NEK4: variants seen among roughly 807,000 people sequenced by gnomAD.
NEK4 encodes NIMA related kinase 4.
A neutral mutation model predicts 98.4 loss-of-function variants in NEK4; 86 were observed. The ratio of observed to expected loss-of-function variants is 0.87; its 90% CI spans 0.73 to 1.05. NEK4 has a LOEUF of 1.05. Among genes scored for constraint, NEK4 ranks in the 50% least tolerant of loss-of-function variants. The probability of loss-of-function intolerance (pLI) is 0.00; values close to 1 mark genes in which losing one functional copy is unlikely to be tolerated. For synonymous variants in NEK4, 328 were observed against 342.2 expected (o/e 0.96, Z 0.46); for missense variants, 898 against 950.3 (o/e 0.94, Z 0.72).
rs540463506 is a variant in NEK4, at chr3:52,757,602, A to AAGTGTAC, written c.963+3186_963+3192dup. On this transcript the variant is annotated intron_variant, in intron 6 of 15. Transcript: ENST00000233027. ...AAAGAAATCAGGGTCTCAAAGAGAT[A>AAGTGTAC]AGTGTACATTCATGTTCATAGCAGC... 2.6e-5 allele frequency among the ~76,000 whole-genome samples: 4 copies of AAGTGTAC among 152,266 alleles called. No homozygotes were observed. In the South Asian group the frequency reaches 8.3e-4, roughly 32 times the overall value.
chr3:52,732,897 G>C (rs1188742027), intron 15 of NEK4: 1 of 230,880 alleles, frequency 4.3e-6, no homozygotes, highest in Non-Finnish European at 9.7e-6. Context: ...AATCAACTTG[G>C]ATTAACCTTC....
chr3:52,746,706 C>A (rs1407207024), intron 9 of NEK4, 28 bp downstream of exon 9: 1 of 1,566,548 alleles, frequency 6.4e-7, no homozygotes, highest in Non-Finnish European at 8.6e-7. Flanking sequence ...CCAAAGTCCA[C>A]CTCCCAAACC....
chr3:52,749,044 A>T (rs188862457), intron 8 of NEK4, among the ~76,000 whole-genome samples: 22 of 152,192 alleles, frequency 1.4e-4, no homozygotes, highest in African/African-American at 5.1e-4. Context: ...CTGAGATCAC[A>T]TCACTGCACT....
chr3:52,761,398 C>G (rs1252979010), intron 5 of NEK4, among the ~76,000 whole-genome samples: 3 of 152,156 alleles, frequency 2.0e-5, no homozygotes, highest in Non-Finnish European at 4.4e-5. Flanking sequence ...TGTGCCTCAG[C>G]CTCCCGAGTA....
chr3:52,734,057 A>T (rs1210723204), intron 15 of NEK4, among the ~76,000 whole-genome samples: 1 of 152,150 alleles, frequency 6.6e-6, no homozygotes, highest in Non-Finnish European at 1.5e-5. Context: ...TATAAAAATA[A>T]TATATAAAGA....
chr3:52,761,424 G>A (rs941500863), intron 5 of NEK4, among the ~76,000 whole-genome samples: 6 of 152,012 alleles, frequency 3.9e-5, no homozygotes, highest in Non-Finnish European at 8.8e-5. Flanking sequence ...GACTACAGGT[G>A]CACGCCACCA....
At chr3:52,761,399 C>T (rs2154106400) in intron 5 of NEK4, among the ~76,000 whole-genome samples, 1 of 152,282 alleles carries the variant, frequency 6.6e-6, no homozygotes, top group East Asian at 1.9e-4. Context: ...GTGCCTCAGC[C>T]TCCCGAGTAG....
In NEK4 at chr3:52,764,051, G is replaced by A. The variant is rs896937353; in HGVS notation, c.667-427C>T. On this transcript the variant is annotated intron_variant, in intron 4 of 15. Coordinates refer to ENST00000233027, the MANE Select transcript of NEK4 (RefSeq NM_003157.6). Reference sequence around the variant, plus strand: ...TGTAATCCCAGCACTTTGGGAGGCCGAGGCAGGTGGATTGCCTGAGGTCAG... The same window carrying A: ...TGTAATCCCAGCACTTTGGGAGGCCAAGGCAGGTGGATTGCCTGAGGTCAG... 3.3e-5 allele frequency among the ~76,000 whole-genome samples: 5 copies of A among 152,196 alleles called. No individual in the cohort carries two copies. In the East Asian group the frequency reaches 7.7e-4, roughly 23 times the overall value.
chr3:52,763,127 T>C (rs951339154), intron 5 of NEK4, among the ~76,000 whole-genome samples: 2 of 152,234 alleles, frequency 1.3e-5, no homozygotes, highest in Non-Finnish European at 2.9e-5. Flanking sequence ...TTGCCTCTCT[T>C]TGTTCAATCA....
At chr3:52,745,287 A>G (rs59227741) in intron 10 of NEK4, among the ~76,000 whole-genome samples, 2,393 of 151,866 alleles carry the variant, frequency 0.016, 65 homozygotes, top group African/African-American at 0.054. Context: ...TTTCAATCAA[A>G]GATTCTGCTG....
intron 6 of NEK4, 85 bp downstream of exon 6, chr3:52,760,710 T>A (rs1698322130): frequency 3.4e-6 from 3 of 892,898 alleles, no homozygotes; most frequent in Admixed American, 2.2e-5. Flanking sequence ...TAAAGCATAA[T>A]CATTTCACAC....
Position 52,709,669 on chromosome 3 carries a change from C to A in NEK4, c.*2108G>T, listed in dbSNP as rs1416256016. On this transcript the variant is annotated 3_prime_UTR_variant, in exon 16 of 16. Transcript: ENST00000233027. ...TGAGCTATGATCACCTCACTGCACTCCAGGCTGGGTGACAGAGCAAGACCC... is the reference window on the plus strand; with the variant it reads ...TGAGCTATGATCACCTCACTGCACTACAGGCTGGGTGACAGAGCAAGACCC... 1.5e-5 allele frequency: 2 copies of A among 132,430 alleles called. No individual in the cohort carries two copies. Among genetic ancestry groups the A allele is most frequent in the Admixed American group, 9.3e-5 (1 of 10,778 alleles). 8.2% of individuals were successfully genotyped at this position (132,430 alleles called of 1,614,324 possible). A position where few individuals can be genotyped will look rare whatever the true frequency, so the allele number is the denominator to read the frequency against.
In NEK4 at chr3:52,764,681, T is replaced by C. The variant is rs1698484636; in HGVS notation, c.667-1057A>G. 1.3e-5 allele frequency among the ~76,000 whole-genome samples: 2 copies of C among 151,686 alleles called. 1 individual carries two copies. Among genetic ancestry groups the C allele is most frequent in the South Asian group, 4.2e-4 (2 of 4,808 alleles). ...GACTTGGAAGGATGTGTTCCTCATA[T>C]ATTAAGTCAAAAAAACAAGTTATGT... On this transcript the variant is annotated intron_variant, in intron 4 of 15. Coordinates refer to ENST00000233027, the MANE Select transcript of NEK4 (RefSeq NM_003157.6).
At chr3:52,717,630 A>G (rs1473322329) in intron 15 of NEK4, among the ~76,000 whole-genome samples, 1 of 152,022 alleles carries the variant, frequency 6.6e-6, no homozygotes, top group Non-Finnish European at 1.5e-5. Flanking sequence ...CCATGCTCAC[A>G]AACTTTGCTT....
intron 9 of NEK4, 119 bp from the exon 10 acceptor site, chr3:52,746,329 C>G (rs888963207): frequency 3.2e-6 from 3 of 951,508 alleles, no homozygotes; most frequent in Non-Finnish European, 4.6e-6. Flanking sequence ...CAAAACATTG[C>G]ATTTTTTTGG....
chr3:52,734,155 C>A (rs985194136), intron 15 of NEK4, among the ~76,000 whole-genome samples: 1 of 151,948 alleles, frequency 6.6e-6, no homozygotes, highest in East Asian at 1.9e-4. Context: ...GTCAAGAGAT[C>A]GAGACCACAG....
intron 15 of NEK4, among the ~76,000 whole-genome samples, chr3:52,713,699 C>T (rs940314029): frequency 4.0e-5 from 6 of 148,836 alleles, no homozygotes; most frequent in African/African-American, 1.2e-4. Flanking sequence ...GAGGCTGAGG[C>T]GGAAGAATCG....
rs1261863397 is a variant in NEK4 at position 52,732,806 on chromosome 3, G to A, written c.2433+4780C>T. On this transcript the variant is annotated intron_variant, in intron 15 of 15. Coordinates refer to ENST00000233027, the MANE Select transcript of NEK4 (RefSeq NM_003157.6). ...CAGGGTGAAGATAGCAAACAATCCAGATGGCAGGGAATGCATCAAAGGTGT... is the reference window on the plus strand; with the variant it reads ...CAGGGTGAAGATAGCAAACAATCCAAATGGCAGGGAATGCATCAAAGGTGT... The A allele has an allele frequency of 1.7e-5, 4 of 240,808 alleles. No homozygotes were observed. In the South Asian group the frequency reaches 2.9e-4, roughly 18 times the overall value. 14.9% of individuals were successfully genotyped at this position (240,808 alleles called of 1,614,324 possible).
chr3:52,770,935 A>T lies in NEK4; in HGVS notation c.-189T>A. ...TGCCATAGCGATCCGGGCCGGGAGCAGTTCTGCGCATGCTCCTGCGTCCCC... is the reference window on the plus strand; with the variant it reads ...TGCCATAGCGATCCGGGCCGGGAGCTGTTCTGCGCATGCTCCTGCGTCCCC... On this transcript the variant is annotated 5_prime_UTR_variant, in exon 1 of 16. Transcript: ENST00000233027. 1.7e-6 allele frequency: 1 copy of T among 597,052 alleles called. No homozygotes were observed. Among genetic ancestry groups the T allele is most frequent in the Non-Finnish European group, 3.0e-6 (1 of 338,616 alleles). The allele number at this position is 597,052 out of a possible 1,614,324, so 37.0% of individuals were successfully genotyped here.
Sources: allele counts gnomAD v4.1 joint callset (sites outside exome capture counted in the v4.1 genomes callset), GRCh38; gene constraint gnomAD v4.1.1; transcripts MANE v1.5; gene names NCBI Gene and HGNC (gene_info 2026-07-23, HGNC 2026-07-21).